The following GNAQ variants were observed in gnomAD, a reference collection of about 807,000 sequenced individuals.
GNAQ encodes guanine nucleotide-binding protein G(q) subunit alpha.
In GNAQ, 8 loss-of-function variants were observed where a neutral mutation model predicts 43.9. That is an observed-to-expected ratio of 0.18 (90% CI 0.11 to 0.33). The LOEUF is 0.33. Ranked by LOEUF, GNAQ falls within the 10% of genes least tolerant of loss-of-function variation. The pLI, the probability that GNAQ is intolerant of heterozygous loss-of-function variation, is 1.00. For synonymous variants in GNAQ, 155 were observed against 170.7 expected (o/e 0.91, Z 0.71); for missense variants, 158 against 450.8 (o/e 0.35, Z 5.88).
intron 2 of GNAQ, among the ~76,000 whole-genome samples, chr9:77,821,006 G>C (rs149076951): frequency 6.6e-6 from 1 of 152,212 alleles, no homozygotes; most frequent in Non-Finnish European, 1.5e-5. Flanking sequence ...TCATGTGTTA[G>C]ACAATACACA....
chr9:77,975,538 T>TG (rs1010552150), intron 1 of GNAQ, among the ~76,000 whole-genome samples: 2 of 95,436 alleles, frequency 2.1e-5, no homozygotes, highest in African/African-American at 1.0e-4. Context: ...AGCCCCCCCT[T>TG]TTTTTTTTTT....
chr9:77,737,347 TGTTGTAAGTGAC>T (rs1364877851), intron 5 of GNAQ, among the ~76,000 whole-genome samples: 5 of 152,204 alleles, frequency 3.3e-5, no homozygotes, highest in Non-Finnish European at 7.3e-5. Flanking sequence ...TTGTAAGTGA[TGTTGTAAGTGAC>T]GTTTCCCTCT....
rs566891917 is a variant in GNAQ, at chr9:78,014,702, A to C, written c.136+16398T>G. Among the ~76,000 whole-genome samples the C allele has an allele frequency of 1.8e-4, 27 of 152,328 alleles. No individual in the cohort carries two copies. The South Asian group carries it at 5.4e-3, about 30-fold the overall frequency. On this transcript the variant is annotated intron_variant, in intron 1 of 6. Transcript: ENST00000286548. Reference sequence around the variant, plus strand: ...TCAAGTAAATGTAAACAACAGAACAATATTAATAACGATGCTGAGTTCAAG... The same window carrying C: ...TCAAGTAAATGTAAACAACAGAACACTATTAATAACGATGCTGAGTTCAAG...
chr9:77,770,197 AAGTT>A (rs1204870719), intron 5 of GNAQ, among the ~76,000 whole-genome samples: 1 of 152,192 alleles, frequency 6.6e-6, no homozygotes, highest in East Asian at 1.9e-4. Flanking sequence ...TAATTCAACA[AAGTT>A]AGGTTTACAA....
At chr9:77,842,355 G>A (rs1028335552) in intron 2 of GNAQ, among the ~76,000 whole-genome samples, 7 of 152,186 alleles carry the variant, frequency 4.6e-5, no homozygotes, top group Non-Finnish European at 1.0e-4. Context: ...AATCCTGACA[G>A]TACCATGTGA....
intron 2 of GNAQ, among the ~76,000 whole-genome samples, chr9:77,859,948 T>C (rs956161762): frequency 2.0e-5 from 3 of 152,184 alleles, no homozygotes; most frequent in Admixed American, 6.5e-5. Flanking sequence ...TAAAAAAATG[T>C]TTAACTTCTT....
At chr9:77,891,541 G>A (rs1336879740) in intron 2 of GNAQ, among the ~76,000 whole-genome samples, 1 of 152,182 alleles carries the variant, frequency 6.6e-6, no homozygotes, top group Non-Finnish European at 1.5e-5. Context: ...CTATTGCTCT[G>A]TCTTTATATG....
At chr9:77,768,411 T>C (rs1203865551) in intron 5 of GNAQ, among the ~76,000 whole-genome samples, 6 of 152,222 alleles carry the variant, frequency 3.9e-5, no homozygotes, top group Non-Finnish European at 8.8e-5. Context: ...CCTGGAATTT[T>C]CTGCCATGTG....
intron 1 of GNAQ, among the ~76,000 whole-genome samples, chr9:77,973,802 A>G (rs1035819139): frequency 4.6e-5 from 7 of 152,138 alleles, no homozygotes; most frequent in Non-Finnish European, 5.9e-5. Context: ...TGGGCGACAG[A>G]GTGAGACTCA....
At chr9:78,030,528 G>C (rs1824038271) in intron 1 of GNAQ, 4 of 470,864 alleles carry the variant, frequency 8.5e-6, no homozygotes, top group African/African-American at 8.0e-5. Context: ...GAGTGCTCCG[G>C]GAATCCAGCT....
intron 1 of GNAQ, among the ~76,000 whole-genome samples, chr9:78,027,851 A>AG (rs1209642596): frequency 6.6e-6 from 1 of 152,170 alleles, no homozygotes; most frequent in Non-Finnish European, 1.5e-5. Context: ...TTGATAATTA[A>AG]GATCTAAAGA....
At chr9:77,793,466 T>A (rs1193679709) in intron 5 of GNAQ, among the ~76,000 whole-genome samples, 4 of 152,144 alleles carry the variant, frequency 2.6e-5, no homozygotes, top group African/African-American at 9.7e-5. Context: ...AATGGAGATA[T>A]TAATACTGGC....
intron 5 of GNAQ, among the ~76,000 whole-genome samples, chr9:77,782,505 G>T (rs1826410374): frequency 6.6e-6 from 1 of 152,168 alleles, no homozygotes; most frequent in Admixed American, 6.5e-5. Context: ...TCAGATGCTG[G>T]TGGCCATGTA....
chr9:77,982,632 T>A (rs1823381896), intron 1 of GNAQ, among the ~76,000 whole-genome samples: 2 of 151,922 alleles, frequency 1.3e-5, no homozygotes. Flanking sequence ...CCTGAACATT[T>A]CAGGGGAATA....
At chr9:77,950,729 T>C (rs1167230873) in intron 1 of GNAQ, among the ~76,000 whole-genome samples, 1 of 152,164 alleles carries the variant, frequency 6.6e-6, no homozygotes, top group Non-Finnish European at 1.5e-5. Context: ...CAGTTAGTAT[T>C]AAAAACACAG....
At chr9:77,897,166 G>A (rs958110722) in intron 2 of GNAQ, among the ~76,000 whole-genome samples, 10 of 152,222 alleles carry the variant, frequency 6.6e-5, no homozygotes, top group African/African-American at 2.4e-4. Flanking sequence ...TATGGAGTTT[G>A]GGGAATTAGT....
intron 4 of GNAQ, among the ~76,000 whole-genome samples, chr9:77,795,865 G>C (rs1389318948): frequency 6.6e-6 from 1 of 152,186 alleles, no homozygotes; most frequent in Non-Finnish European, 1.5e-5. Flanking sequence ...TACTTTTACT[G>C]TAGTGGCAAA....
chr9:77,881,935 C>T (rs969545582), intron 2 of GNAQ, among the ~76,000 whole-genome samples: 7 of 152,092 alleles, frequency 4.6e-5, no homozygotes, highest in Admixed American at 2.0e-4. Flanking sequence ...GTCAGGAGTT[C>T]GAGACCACCT....
In GNAQ at chr9:77,953,875, CACAG is replaced by C. The variant is rs377686506; in HGVS notation, c.137-31534_137-31531del. On this transcript the variant is annotated intron_variant, in intron 1 of 6. Transcript: ENST00000286548. ...GACCCAGCCTTCTGCCTGCTGCCAG[CACAG>C]ACAATTTGGCCCCTAAAATTTATCA... Among the ~76,000 whole-genome samples the C allele has an allele frequency of 2.2e-4, 34 of 152,316 alleles. No homozygotes were observed. In the East Asian group the frequency reaches 5.4e-3, roughly 24 times the overall value.
Sources: allele counts gnomAD v4.1 joint callset (sites outside exome capture counted in the v4.1 genomes callset), GRCh38; gene constraint gnomAD v4.1.1; transcripts MANE v1.5; gene names NCBI Gene and HGNC (gene_info 2026-07-23, HGNC 2026-07-21).